WFDC3: variants seen among roughly 807,000 people sequenced by gnomAD.
The protein encoded by WFDC3 is WAP four-disulfide core domain protein 3.
In WFDC3, 15 loss-of-function variants were observed where a neutral mutation model predicts 25.8. That is an observed-to-expected ratio of 0.58 (90% confidence interval 0.39 to 0.89). The LOEUF (loss-of-function observed/expected upper bound fraction) is 0.89, where lower values mean the gene tolerates loss of function less well. WFDC3 is among the 40% of genes least tolerant of loss of function. WFDC3 has a pLI of 0.00. For missense variants in WFDC3, 264 were observed against 289.8 expected (o/e 0.91, Z 0.65); for synonymous variants, 103 against 107.1 (o/e 0.96, Z 0.24).
Position 45,777,187 on chromosome 20 carries a change from G to A in WFDC3, c.381C>T (p.Pro127=), listed in dbSNP as rs1377207451. Residue 127 remains proline (P), a synonymous_variant, in exon 5 of 7, where the codon CCC becomes CCT. Transcript: ENST00000243938. ...GCTCCTCACACGGAAGGGGGTCAGC[G>A]GGACATTCACCACCAAACTCTGCTA... ...QKLAEFGGEC[P]ADPLPCEELC... 7.0e-6 allele frequency: 11 copies of A among 1,576,690 alleles called. No individual in the cohort carries two copies. The highest frequency in any genetic ancestry group is 2.3e-5 in the South Asian group (2 of 86,022).
At position 45,777,106 on chromosome 20, in the gene WFDC3, A is replaced by G. The variant is rs774237945; in HGVS notation, c.462T>C (p.Cys154=). The G allele has an allele frequency of 2.1e-5, 34 of 1,612,244 alleles. No homozygotes were observed. The highest frequency in any genetic ancestry group is 2.9e-5 in the Non-Finnish European group (34 of 1,179,476). ...CAATGTCTCCGAGGCAGGTGCGGCC[A>G]CAGCCGGTGCTGCAGCATTTATGCC... ...PQGHKCCSTG[C]GRTCLGDIEG... The change falls in exon 5 of 7, where the codon TGT becomes TGC. Residue 154 remains cysteine (C), a synonymous_variant. Transcript: ENST00000243938.
At chr20:45,782,060 G>C (rs772864813) in intron 4 of WFDC3, among the ~76,000 whole-genome samples, 4 of 152,166 alleles carry the variant, frequency 2.6e-5, no homozygotes, top group Non-Finnish European at 5.9e-5. Flanking sequence ...GGTCACAGGG[G>C]ATCTGGAGTG....
intron 4 of WFDC3, 50 bp from the exon 5 acceptor site, chr20:45,777,259 A>AT (rs1980235249): frequency 1.4e-6 from 2 of 1,414,452 alleles, no homozygotes; most frequent in Non-Finnish European, 1.9e-6. Flanking sequence ...TATGAAACAC[A>AT]TTTTTCATTG....
chr20:45,778,969 A>G (rs1363839805), intron 4 of WFDC3: 1 of 152,216 alleles, frequency 6.6e-6, no homozygotes, highest in African/African-American at 2.4e-5. Flanking sequence ...ACAAACCCCT[A>G]TATGATTAAT....
chr20:45,785,520 A>G (rs1424502426), intron 4 of WFDC3, among the ~76,000 whole-genome samples: 2 of 151,880 alleles, frequency 1.3e-5, no homozygotes, highest in East Asian at 1.9e-4. Flanking sequence ...AAAAAAAAAG[A>G]TTCAACATTA....
chr20:45,777,850 T>C (rs1980268867), intron 4 of WFDC3, among the ~76,000 whole-genome samples: 1 of 150,600 alleles, frequency 6.6e-6, no homozygotes, highest in Non-Finnish European at 1.5e-5. Flanking sequence ...CTAGTTCTTA[T>C]TTTTCCTAAT....
At chr20:45,775,855 T>G (rs1437895996) in intron 5 of WFDC3, among the ~76,000 whole-genome samples, 3 of 151,136 alleles carry the variant, frequency 2.0e-5, no homozygotes, top group Non-Finnish European at 4.4e-5. Flanking sequence ...GATTGACACC[T>G]CTGCAGGTTT....
chr20:45,790,246 T>G (rs1233228237), intron 1 of WFDC3, among the ~76,000 whole-genome samples: 1 of 151,976 alleles, frequency 6.6e-6, no homozygotes, highest in Non-Finnish European at 1.5e-5. Flanking sequence ...TCCTGGATGA[T>G]GAGAAACCTA....
At chr20:45,778,668 C>T (rs1177995627) in intron 4 of WFDC3, 1 of 151,858 alleles carries the variant, frequency 6.6e-6, no homozygotes, top group Non-Finnish European at 1.5e-5. Context: ...GGCAACTCAG[C>T]ATAACGAAAT....
chr20:45,790,326 A>G (rs893749443), intron 1 of WFDC3, among the ~76,000 whole-genome samples: 4 of 152,238 alleles, frequency 2.6e-5, no homozygotes, highest in African/African-American at 9.7e-5. Flanking sequence ...AGGGCATTGG[A>G]AGGACATGGC....
At chr20:45,784,585 C>CA (rs1980588716) in intron 4 of WFDC3, among the ~76,000 whole-genome samples, 1 of 152,104 alleles carries the variant, frequency 6.6e-6, no homozygotes, top group Admixed American at 6.6e-5. Context: ...CTACTAAATA[C>CA]AAAAAATTAG....
At chr20:45,787,489 C>T (rs1039036107) in intron 4 of WFDC3, among the ~76,000 whole-genome samples, 9 of 151,642 alleles carry the variant, frequency 5.9e-5, no homozygotes, top group Admixed American at 2.0e-4. Flanking sequence ...GACGGAGTTT[C>T]GCCGTGTTAG....
intron 6 of WFDC3, among the ~76,000 whole-genome samples, chr20:45,775,142 C>T (rs370860647): frequency 3.5e-4 from 53 of 152,070 alleles, no homozygotes; most frequent in Non-Finnish European, 6.3e-4. Flanking sequence ...TCAAATCCCA[C>T]CTCTCCCACA....
chr20:45,777,310 A>G (rs1429462860), intron 4 of WFDC3, 101 bp from the exon 5 acceptor site: 3 of 1,140,998 alleles, frequency 2.6e-6, no homozygotes, highest in African/African-American at 3.2e-5. Context: ...ATATTTATAT[A>G]CATATATAAT....
intron 3 of WFDC3, chr20:45,788,703 A>G: frequency 2.2e-6 from 1 of 457,392 alleles, no homozygotes; most frequent in Non-Finnish European, 3.7e-6. Flanking sequence ...TTTGAGTCCA[A>G]AGTAAAAGAC....
chr20:45,775,078 A>AT (rs748861787), intron 6 of WFDC3, among the ~76,000 whole-genome samples: 38 of 151,942 alleles, frequency 2.5e-4, no homozygotes, highest in Non-Finnish European at 4.1e-4. Flanking sequence ...CCTATCTGGC[A>AT]TGTCCCTGTG....
At chr20:45,776,334 G>A (rs1199889940) in intron 5 of WFDC3, among the ~76,000 whole-genome samples, 2 of 118,406 alleles carry the variant, frequency 1.7e-5, no homozygotes, top group South Asian at 2.7e-4. Context: ...CCAGCTGGGC[G>A]TGGTGGCTCA....
rs1285590418 is a variant in WFDC3, at chr20:45,774,330, G to C, written c.*98C>G. Reference sequence around the variant, plus strand: ...AAGCAGAGCAGAGAGGGCCATGAGTGCCCCTGGAAATGTCACAAGCCCCAG... The same window carrying C: ...AAGCAGAGCAGAGAGGGCCATGAGTCCCCCTGGAAATGTCACAAGCCCCAG... On this transcript the variant is annotated 3_prime_UTR_variant, in exon 7 of 7. Transcript: ENST00000243938. 1 of 1,529,190 alleles carries C rather than the reference G, an allele frequency of 6.5e-7. No homozygotes were observed. The highest frequency in any genetic ancestry group is 1.4e-5 in the African/African-American group (1 of 73,144). The allele number at this position is 1,529,190 out of a possible 1,614,324, so 94.7% of individuals were successfully genotyped here. A position where few individuals can be genotyped will look rare whatever the true frequency, so the allele number is the denominator to read the frequency against.
At chr20:45,788,729 T>C (rs1208952533) in intron 3 of WFDC3, 1 of 590,154 alleles carries the variant, frequency 1.7e-6, no homozygotes, top group Non-Finnish European at 2.8e-6. Context: ...TAATCAATGG[T>C]GCGCTCTTTC....
Sources: allele counts gnomAD v4.1 joint callset (sites outside exome capture counted in the v4.1 genomes callset), GRCh38; gene constraint gnomAD v4.1.1; transcripts MANE v1.5; gene names NCBI Gene and HGNC (gene_info 2026-07-23, HGNC 2026-07-21).